The following LRRC4B variants were observed in gnomAD, a reference collection of about 807,000 sequenced individuals.
LRRC4B encodes leucine rich repeat containing 4B.
LRRC4B carries 1 observed loss-of-function variant against 7.3 expected under a neutral mutation model. The ratio of observed to expected loss-of-function variants is 0.14; its 90% CI spans 0.05 to 0.65. LRRC4B has a LOEUF of 0.65. Ranked by LOEUF, LRRC4B falls within the 30% of genes least tolerant of loss-of-function variation. LRRC4B has a pLI of 0.84. For synonymous variants in LRRC4B, 500 were observed against 499.2 expected, an observed-to-expected ratio of 1.00 and a Z score of -0.02; for missense variants, 730 against 1,041.6, an observed-to-expected ratio of 0.70 and a Z score of 4.12.
At chr19:50,541,233 G>C (rs1981532558) in intron 2 of LRRC4B, among the ~76,000 whole-genome samples, 1 of 143,446 alleles carries the variant, frequency 7.0e-6, no homozygotes, top group South Asian at 2.2e-4. Context: ...CTCACAGTGG[G>C]GTGTGCCTGT....
At chr19:50,547,327 CT>C (rs1293723083) in intron 2 of LRRC4B, among the ~76,000 whole-genome samples, 2 of 151,354 alleles carry the variant, frequency 1.3e-5, no homozygotes, top group African/African-American at 2.4e-5. Context: ...GACTGCTCCC[CT>C]GAGAGGTCCC....
At chr19:50,557,145 C>A (rs539955205) in intron 1 of LRRC4B, among the ~76,000 whole-genome samples, 5 of 151,878 alleles carry the variant, frequency 3.3e-5, no homozygotes, top group African/African-American at 1.2e-4. Flanking sequence ...AAAGAGTGAA[C>A]AGATAAAGCA....
chr19:50,548,675 G>A lies in LRRC4B; in HGVS notation c.164C>T (p.Thr55Ile), dbSNP rs775507933. The change falls in exon 2 of 3, where the codon ACC becomes ATC. Residue 55 changes from threonine to isoleucine, a missense_variant. Around this residue, in one of 6 missense-constraint regions of LRRC4B, gnomAD observed 143 missense variants for 158.4 expected, o/e 0.90. Transcript: ENST00000652263. This position sits in a 1 kb window ranked among gnomAD's most constrained non-coding sequence, Gnocchi z 6.8. ...SAAGGGSPPA[T>I]SCPVACSCSN... ...GCAGGAGCAGGCCACGGGGCAGGAG[G>A]TGGCCGGCGGGGAGCCCCCTCCGGC... 5.1e-6 allele frequency: 8 copies of A among 1,556,512 alleles called. No individual in the cohort carries two copies. The African/African-American group carries it at 9.5e-5, about 18-fold the overall frequency.
intron 2 of LRRC4B, among the ~76,000 whole-genome samples, chr19:50,521,025 G>T (rs547105439): frequency 6.6e-6 from 1 of 152,138 alleles, no homozygotes; most frequent in African/African-American, 2.4e-5. Context: ...CAAACACTGC[G>T]AGGTGTGGCC....
At chr19:50,559,189 C>A (rs1599786796) in intron 1 of LRRC4B, among the ~76,000 whole-genome samples, 1 of 152,178 alleles carries the variant, frequency 6.6e-6, no homozygotes, top group East Asian at 1.9e-4. Flanking sequence ...AATCCCAGCA[C>A]TTTGGGAGGC....
At chr19:50,560,318 G>A (rs1376928478) in intron 1 of LRRC4B, among the ~76,000 whole-genome samples, 1 of 151,988 alleles carries the variant, frequency 6.6e-6, no homozygotes, top group East Asian at 1.9e-4. Flanking sequence ...CTCCTCTCCG[G>A]AGCTCTGTAT....
chr19:50,519,084 C>T lies in LRRC4B; in HGVS notation c.629G>A (p.Arg210His). Reference sequence around the variant, plus strand: ...GTTGCACATGCCCAGGTTGAGGTAGCGCAGGTTGACCAGCCCCTCGAAGGC... The same window carrying T: ...GTTGCACATGCCCAGGTTGAGGTAGTGCAGGTTGACCAGCCCCTCGAAGGC... Reference protein sequence around the residue: ...EAAFEGLVNLRYLNLGMCNLK... With the variant: ...EAAFEGLVNLHYLNLGMCNLK... The change falls in exon 3 of 3, where the codon CGC becomes CAC. Residue 210 changes from arginine (R) to histidine (H), a missense_variant. By Grantham distance (29) the Arg-to-His change is conservative. This residue lies in a region of LRRC4B where 226 missense variants were observed against 448.0 expected (regional missense o/e 0.50). Transcript: ENST00000652263. This position sits in a 1 kb window ranked among gnomAD's most constrained non-coding sequence, Gnocchi z 8.1. The T allele has an allele frequency of 1.2e-6, 2 of 1,609,010 alleles. No individual in the cohort carries two copies. The highest frequency in any genetic ancestry group is 1.1e-5 in the South Asian group (1 of 91,074).
rs1271873629 is a variant in LRRC4B at position 50,548,637 on chromosome 19, T to C, written c.202A>G (p.Ser68Gly). 1.2e-5 allele frequency: 19 copies of C among 1,583,912 alleles called. No homozygotes were observed. Among genetic ancestry groups the C allele is most frequent in the African/African-American group, 2.7e-5 (2 of 74,448 alleles). ...TCTCTCCGTGTGCAGATCACCCGGC[T>C]GGCCTGGTTGCTGCAGGAGCAGGCC... ...PVACSCSNQASRVICTRRDLA... is the reference protein window; with the variant it reads ...PVACSCSNQAGRVICTRRDLA... Residue 68 changes from serine to glycine, a missense_variant, in exon 2 of 3, where the codon AGC becomes GGC. Ser to Gly is a moderately conservative substitution (Grantham distance 56). This residue lies in a region of LRRC4B where 143 missense variants were observed against 158.4 expected (regional missense o/e 0.90). Coordinates refer to ENST00000652263, the MANE Select transcript of LRRC4B (RefSeq NM_001080457.2). The surrounding 1 kb of genome is among the most constrained non-coding windows in gnomAD (Gnocchi z 6.8).
intron 1 of LRRC4B, among the ~76,000 whole-genome samples, chr19:50,559,708 A>G (rs545752543): frequency 6.6e-6 from 1 of 152,376 alleles, no homozygotes; most frequent in South Asian, 2.1e-4. Context: ...TTTCTCTCAC[A>G]GGGTTGTGCA....
At chr19:50,525,936 G>C (rs1343353339) in intron 2 of LRRC4B, among the ~76,000 whole-genome samples, 1 of 152,038 alleles carries the variant, frequency 6.6e-6, no homozygotes, top group African/African-American at 2.4e-5. Flanking sequence ...CGGCAGAATC[G>C]TTTGAACCCA....
chr19:50,527,851 C>T (rs1001424256), intron 2 of LRRC4B, among the ~76,000 whole-genome samples: 1 of 151,672 alleles, frequency 6.6e-6, no homozygotes, highest in Non-Finnish European at 1.5e-5. Context: ...AAATGATTTT[C>T]CTGCCTCAGC....
chr19:50,517,724 G>A lies in LRRC4B; in HGVS notation c.1989C>T (p.His663=). ...CCTTGAAGGCGGCAGCCACGTAGTG[G>A]TGGTGGTTGAGGTGGTCTCGCTCCA... is the stretch of plus-strand genomic sequence containing the variant. ...PALERDHLNH[H]HYVAAAFKAH... is the part of the protein sequence containing the mutation. The change falls in exon 3 of 3, where the codon CAC becomes CAT. Residue 663 remains histidine (H), a synonymous_variant. Coordinates refer to ENST00000652263, the MANE Select transcript of LRRC4B (RefSeq NM_001080457.2). This position sits in a 1 kb window ranked among gnomAD's most constrained non-coding sequence, Gnocchi z 6.6. The A allele has an allele frequency of 7.1e-6, 11 of 1,553,252 alleles. No individual in the cohort carries two copies. The highest frequency in any genetic ancestry group is 9.6e-6 in the Non-Finnish European group (11 of 1,151,434).
intron 2 of LRRC4B, among the ~76,000 whole-genome samples, chr19:50,520,236 AAAAAAAAAAAAGAAGAAAAG>A (rs1980509985): frequency 3.0e-5 from 2 of 66,682 alleles, no homozygotes; most frequent in Non-Finnish European, 5.5e-5. Flanking sequence ...AAAAAAAAAA[AAAAAAAAAAAAGAAGAAAAG>A]AAAAGAAAAA....
At chr19:50,543,316 T>C (rs1486268326) in intron 2 of LRRC4B, among the ~76,000 whole-genome samples, 2 of 146,748 alleles carry the variant, frequency 1.4e-5, no homozygotes, top group African/African-American at 5.2e-5. Context: ...CCGCTACCAA[T>C]GCTCCAGTGC....
intron 1 of LRRC4B, among the ~76,000 whole-genome samples, chr19:50,565,794 C>G (rs1375871987): frequency 6.6e-6 from 1 of 152,082 alleles, no homozygotes; most frequent in Non-Finnish European, 1.5e-5. Context: ...GCCTCACCCG[C>G]GTGTCTGCTC....
chr19:50,533,677 G>A (rs996294069), intron 2 of LRRC4B, among the ~76,000 whole-genome samples: 1 of 152,174 alleles, frequency 6.6e-6, no homozygotes, highest in Non-Finnish European at 1.5e-5. Context: ...AGGTAAAAGG[G>A]GGGGAATCAT....
intron 1 of LRRC4B, among the ~76,000 whole-genome samples, chr19:50,562,730 G>GTTTTTTTTTTTTTTT (rs778453544): frequency 7.3e-6 from 1 of 136,144 alleles, no homozygotes; most frequent in Non-Finnish European, 1.6e-5. Context: ...TCCATCCAGG[G>GTTTTTTTTTTTTTTT]TTTTTTTTTT....
At chr19:50,521,758 C>T (rs999117433) in intron 2 of LRRC4B, among the ~76,000 whole-genome samples, 6 of 149,396 alleles carry the variant, frequency 4.0e-5, no homozygotes, top group Non-Finnish European at 1.5e-5. Flanking sequence ...CGGGGTTTCC[C>T]CATGTTGGCC....
chr19:50,533,808 A>G (rs888194385), intron 2 of LRRC4B, among the ~76,000 whole-genome samples: 6 of 152,172 alleles, frequency 3.9e-5, no homozygotes, highest in African/African-American at 1.4e-4. Context: ...TGCTCCCTTC[A>G]TATCTGGTGG....
Sources: gnomAD v4.1 joint callset for allele counts (sites outside exome capture counted in the v4.1 genomes callset) on GRCh38, gnomAD v4.1.1 for gene constraint, gnomAD v4.1.1 regional missense constraint, Gnocchi (gnomAD v3.1) non-coding constraint, MANE v1.5 for transcripts, NCBI Gene and HGNC (gene_info 2026-07-23, HGNC 2026-07-21) for gene names.